MRFAP1L2: variants seen among roughly 807,000 people sequenced by gnomAD.
The protein encoded by MRFAP1L2 is Morf4 family associated protein 1 like 2, also known as MORF4 family-associated protein 1-like protein UPP.
chr4:6,675,675 T>C, the MRFAP1L2 span: 1 of 152,238 alleles, frequency 6.6e-6, no homozygotes, highest in African/African-American at 2.4e-5. Context: ...ACCTGTCTGG[T>C]GAGCAACCTA....
chr4:6,675,636 A>C, the MRFAP1L2 span: 1 of 152,192 alleles, frequency 6.6e-6, no homozygotes, highest in African/African-American at 2.4e-5. Flanking sequence ...TAATTTTCCT[A>C]TGGCATGTTA....
At chr4:6,674,746 T>TC in the MRFAP1L2 span, 1 of 510,906 alleles carries the variant, frequency 2.0e-6, no homozygotes, top group Non-Finnish European at 3.4e-6. Context: ...TTGTAAAGAG[T>TC]CATGACCACT....
At chr4:6,674,350 C>T in the MRFAP1L2 span, 18 of 635,260 alleles carry the variant, frequency 2.8e-5, no homozygotes, top group Admixed American at 7.5e-5. Flanking sequence ...GGCGGGCCCG[C>T]AGGAAGCTGC....
the MRFAP1L2 span, chr4:6,674,610 G>A: frequency 1.7e-6 from 1 of 594,800 alleles, no homozygotes; most frequent in Non-Finnish European, 3.0e-6. Flanking sequence ...GGAGCGCGGC[G>A]GGGAGTGTCC....
At chr4:6,674,347 C>T in the MRFAP1L2 span, 1 of 634,952 alleles carries the variant, frequency 1.6e-6, no homozygotes. Flanking sequence ...ACTGGCGGGC[C>T]CGCAGGAAGC....
chr4:6,674,081 G>A, the MRFAP1L2 span: 2 of 389,438 alleles, frequency 5.1e-6, no homozygotes, highest in Non-Finnish European at 9.1e-6. Context: ...AGCCCATTTT[G>A]GATACCGTCC....
the MRFAP1L2 span, chr4:6,674,421 C>A: frequency 1.5e-6 from 1 of 653,848 alleles, no homozygotes; most frequent in Admixed American, 2.3e-5. Flanking sequence ...GAGCGGGGCG[C>A]CCGGGCCCCA....
the MRFAP1L2 span, chr4:6,675,645 T>C: frequency 6.6e-6 from 1 of 152,262 alleles, no homozygotes; most frequent in Non-Finnish European, 1.5e-5. Context: ...TATGGCATGT[T>C]AACTGGTGCA....
chr4:6,674,755 C>T, the MRFAP1L2 span: 432 of 505,574 alleles, frequency 8.5e-4, 4 homozygotes, highest in African/African-American at 7.7e-3. Flanking sequence ...GTCATGACCA[C>T]TGGAAGTATT....
the MRFAP1L2 span, chr4:6,674,513 C>T: frequency 1.5e-5 from 10 of 671,072 alleles, no homozygotes; most frequent in East Asian, 3.1e-5. Context: ...GGAGGCGGCG[C>T]GGATGGGCAG....
the MRFAP1L2 span, chr4:6,675,792 A>G: frequency 2.0e-5 from 3 of 152,218 alleles, no homozygotes; most frequent in East Asian, 5.8e-4. Flanking sequence ...AGGGGCCCAG[A>G]GTGGCTGAGG....
the MRFAP1L2 span, chr4:6,674,879 C>T: frequency 6.2e-6 from 2 of 321,788 alleles, no homozygotes; most frequent in East Asian, 1.1e-4. Flanking sequence ...CGATGACCTT[C>T]CTGCAGGTGG....
chr4:6,674,422 C>T, the MRFAP1L2 span: 1 of 653,720 alleles, frequency 1.5e-6, no homozygotes, highest in South Asian at 1.6e-5. Context: ...AGCGGGGCGC[C>T]CGGGCCCCAG....
At chr4:6,674,753 C>T in the MRFAP1L2 span, 22 of 507,134 alleles carry the variant, frequency 4.3e-5, no homozygotes, top group Admixed American at 1.3e-4. Context: ...GAGTCATGAC[C>T]ACTGGAAGTA....
the MRFAP1L2 span, chr4:6,674,584 C>T: frequency 6.4e-6 from 4 of 628,740 alleles, no homozygotes; most frequent in Non-Finnish European, 1.1e-5. Flanking sequence ...CCGGCGAGGC[C>T]GCGCGGGTCT....
At chr4:6,674,371 G>C in the MRFAP1L2 span, 2 of 648,066 alleles carry the variant, frequency 3.1e-6, no homozygotes, top group Admixed American at 2.4e-5. Flanking sequence ...TGGAGATCCA[G>C]AGCCTGCTCG....
chr4:6,674,322 A>T, the MRFAP1L2 span: 2 of 619,826 alleles, frequency 3.2e-6, no homozygotes, highest in Non-Finnish European at 5.8e-6. Flanking sequence ...CTGGAGCGCG[A>T]GCGCGCCCGG....
the MRFAP1L2 span, chr4:6,674,513 C>A: frequency 1.5e-6 from 1 of 671,186 alleles, no homozygotes; most frequent in Non-Finnish European, 2.7e-6. Context: ...GGAGGCGGCG[C>A]GGATGGGCAG....
the MRFAP1L2 span, chr4:6,675,079 C>G: frequency 6.6e-6 from 1 of 152,468 alleles, no homozygotes; most frequent in Non-Finnish European, 1.5e-5. Context: ...CGTTTTGTCT[C>G]CCCTGTTTTT....
Sources: allele counts gnomAD v4.1 joint callset, GRCh38; gene constraint gnomAD v4.1.1; transcripts MANE v1.5; gene names NCBI Gene and HGNC (gene_info 2026-07-23, HGNC 2026-07-21).